Variants in SEMA5A observed in about 807,000 individuals in gnomAD.
SEMA5A encodes the protein semaphorin-5A.
A neutral mutation model predicts 135.5 loss-of-function variants in SEMA5A; 55 were observed. That is an observed-to-expected ratio of 0.41 (90% CI 0.33 to 0.51). SEMA5A has a LOEUF of 0.51. Ranked by LOEUF, SEMA5A falls within the 20% of genes least tolerant of loss-of-function variation. The pLI is 0.37. For synonymous variants in SEMA5A, 580 were observed against 546.5 expected (o/e 1.06, Z -0.85); for missense variants, 1,290 against 1,419.9 (o/e 0.91, Z 1.47).
rs561995653 is a variant in SEMA5A at position 9,378,400 on chromosome 5, G to A, written c.124+1423C>T. Among the ~76,000 whole-genome samples the A allele has an allele frequency of 5.2e-4, 79 of 152,322 alleles. 2 individuals are homozygous for A. The South Asian group carries it at 0.016, about 30-fold the overall frequency. ...GTACCCACAGATGAATCAGTAGATT[G>A]AGGCTGTGATCATCAATGACTGATC... On this transcript the variant is annotated intron_variant, in intron 3 of 22. Coordinates refer to ENST00000382496, the MANE Select transcript of SEMA5A (RefSeq NM_003966.3).
chr5:9,420,910 G>C (rs1366126405), intron 2 of SEMA5A, among the ~76,000 whole-genome samples: 2 of 152,182 alleles, frequency 1.3e-5, no homozygotes, highest in African/African-American at 4.8e-5. Context: ...CAGCTACTTG[G>C]GAAGCTGAGG....
intron 3 of SEMA5A, among the ~76,000 whole-genome samples, chr5:9,357,046 A>C (rs1162408117): frequency 1.3e-5 from 2 of 152,194 alleles, no homozygotes; most frequent in South Asian, 2.1e-4. Context: ...TCCTGAGCCC[A>C]TTCACACAGG....
intron 5 of SEMA5A, among the ~76,000 whole-genome samples, chr5:9,286,446 C>G (rs766563184): frequency 2.6e-5 from 4 of 151,974 alleles, no homozygotes; most frequent in Non-Finnish European, 5.9e-5. Flanking sequence ...TCTCCCGGAC[C>G]ATATTAATAA....
At chr5:9,259,456 G>C (rs1321707392) in intron 5 of SEMA5A, among the ~76,000 whole-genome samples, 1 of 151,198 alleles carries the variant, frequency 6.6e-6, no homozygotes, top group Non-Finnish European at 1.5e-5. Context: ...ATTTGCTGAG[G>C]AGAGCTTTAC....
At chr5:9,232,616 A>G (rs1425826483) in intron 6 of SEMA5A, among the ~76,000 whole-genome samples, 2 of 152,236 alleles carry the variant, frequency 1.3e-5, no homozygotes, top group African/African-American at 2.4e-5. Context: ...TCATATACAT[A>G]TATTACGTGC....
intron 2 of SEMA5A, among the ~76,000 whole-genome samples, chr5:9,390,293 G>T (rs1024332108): frequency 6.6e-6 from 1 of 152,214 alleles, no homozygotes; most frequent in East Asian, 1.9e-4. Flanking sequence ...CTGGAAACAT[G>T]AAAGCAGACG....
chr5:9,110,625 C>T (rs1740187969), intron 15 of SEMA5A, among the ~76,000 whole-genome samples: 1 of 152,176 alleles, frequency 6.6e-6, no homozygotes, highest in South Asian at 2.1e-4. Flanking sequence ...AGGCAGAAGA[C>T]ACTCTTACTT....
At chr5:9,509,579 C>T (rs939825207) in intron 1 of SEMA5A, among the ~76,000 whole-genome samples, 4 of 152,024 alleles carry the variant, frequency 2.6e-5, no homozygotes, top group Admixed American at 6.6e-5. Flanking sequence ...CCGGCCCCAA[C>T]ATAAAATTAT....
In SEMA5A at chr5:9,207,102, G is replaced by GTATATATA. The variant is rs70943947; in HGVS notation, c.647-4870_647-4863dup. 5.8e-3 allele frequency among the ~76,000 whole-genome samples: 565 copies of GTATATATA among 97,606 alleles called. 14 individuals are homozygous for GTATATATA. Among genetic ancestry groups the GTATATATA allele is most frequent in the African/African-American group, 7.1e-3 (182 of 25,638 alleles). The allele number at this position is 97,606 out of a possible 152,430, so 64.0% of individuals were successfully genotyped here. A position where few individuals can be genotyped will look rare whatever the true frequency, so the allele number is the denominator to read the frequency against. ...ACATAATGATAATGAATGATCAAGT[G>GTATATATA]TATATATATATATATATATATATAT... On this transcript the variant is annotated intron_variant, in intron 8 of 22. Transcript: ENST00000382496.
At chr5:9,303,620 A>C (rs1751722558) in intron 5 of SEMA5A, among the ~76,000 whole-genome samples, 1 of 152,178 alleles carries the variant, frequency 6.6e-6, no homozygotes. Flanking sequence ...CACCATAAAG[A>C]AATGATAAAT....
At chr5:9,156,120 G>A (rs2256037) in intron 11 of SEMA5A, among the ~76,000 whole-genome samples, 75,453 of 152,064 alleles carry the variant, frequency 0.5, 19,542 homozygotes, top group Non-Finnish European at 0.58. Context: ...ACGAGAGAGG[G>A]AAGAGAAAGG....
chr5:9,288,763 T>G (rs1750923469), intron 5 of SEMA5A, among the ~76,000 whole-genome samples: 1 of 152,190 alleles, frequency 6.6e-6, no homozygotes, highest in South Asian at 2.1e-4. Context: ...ATGAAGTGGC[T>G]GGAACCAAAA....
chr5:9,052,821 A>C (rs1475980543), intron 19 of SEMA5A, among the ~76,000 whole-genome samples: 1 of 151,776 alleles, frequency 6.6e-6, no homozygotes, highest in East Asian at 1.9e-4. Context: ...AAAAAAAAAA[A>C]CTCTGGATAT....
At chr5:9,508,355 C>T (rs575213412) in intron 1 of SEMA5A, among the ~76,000 whole-genome samples, 1 of 152,272 alleles carries the variant, frequency 6.6e-6, no homozygotes, top group South Asian at 2.1e-4. Context: ...TTAAGTGGAC[C>T]TATTTCCCTC....
chr5:9,106,141 T>A (rs1410991506), intron 16 of SEMA5A, among the ~76,000 whole-genome samples: 4 of 152,202 alleles, frequency 2.6e-5, no homozygotes, highest in Admixed American at 2.6e-4. Context: ...AGAAGTAGAC[T>A]ACCAAAAGGC....
intron 3 of SEMA5A, among the ~76,000 whole-genome samples, chr5:9,360,922 A>C (rs1754661755): frequency 6.6e-6 from 1 of 152,158 alleles, no homozygotes; most frequent in African/African-American, 2.4e-5. Context: ...AAGGATTAAA[A>C]ACATAGTCAT....
intron 9 of SEMA5A, 41 bp downstream of exon 9, chr5:9,201,914 G>A: frequency 1.3e-6 from 2 of 1,568,714 alleles, no homozygotes; most frequent in South Asian, 1.1e-5. Flanking sequence ...TATTCAGAAT[G>A]AGTAAGAGAG....
intron 8 of SEMA5A, among the ~76,000 whole-genome samples, chr5:9,221,590 C>T (rs996047229): frequency 1.8e-4 from 28 of 152,176 alleles, no homozygotes; most frequent in Non-Finnish European, 2.9e-4. Context: ...GCGTGAGCCA[C>T]CGCGCCTGGC....
At chr5:9,332,891 T>C (rs1045766520) in intron 4 of SEMA5A, among the ~76,000 whole-genome samples, 8 of 152,260 alleles carry the variant, frequency 5.3e-5, no homozygotes, top group African/African-American at 1.7e-4. Flanking sequence ...ATTGGGTCTG[T>C]GGGCCTCAAT....
Sources: gnomAD v4.1 joint callset for allele counts (sites outside exome capture counted in the v4.1 genomes callset) on GRCh38, gnomAD v4.1.1 for gene constraint, MANE v1.5 for transcripts, NCBI Gene and HGNC (gene_info 2026-07-23, HGNC 2026-07-21) for gene names.